SPEN: variants seen among roughly 807,000 people sequenced by gnomAD.
The protein encoded by SPEN is msx2-interacting protein.
A neutral mutation model predicts 269.9 loss-of-function variants in SPEN; 18 were observed. The ratio of observed to expected loss-of-function variants is 0.07; its 90% CI spans 0.05 to 0.10. The LOEUF (loss-of-function observed/expected upper bound fraction) is 0.10, where lower values mean the gene tolerates loss of function less well. Among genes scored for constraint, SPEN ranks in the 10% least tolerant of loss-of-function variants. The pLI is 1.00. For missense variants in SPEN, 3,822 were observed against 4,631.2 expected (o/e 0.83, Z 5.07); for synonymous variants, 1,726 against 1,765.7 (o/e 0.98, Z 0.56).
intron 1 of SPEN, among the ~76,000 whole-genome samples, chr1:15,862,078 T>C (rs1458046990): frequency 6.6e-6 from 1 of 151,916 alleles, no homozygotes; most frequent in Non-Finnish European, 1.5e-5. Flanking sequence ...ATTGCGGGAG[T>C]TAGCCACCAT....
Position 15,928,472 on chromosome 1 carries a change from A to G in SPEN, c.2232A>G (p.Ala744=), listed in dbSNP as rs2071189422. The change falls in exon 11 of 15, where the codon GCA becomes GCG. Residue 744 remains alanine, a synonymous_variant. Coordinates refer to ENST00000375759, the MANE Select transcript of SPEN (RefSeq NM_015001.3). This position sits in a 1 kb window ranked among gnomAD's most constrained non-coding sequence, Gnocchi z 5.7. Reference sequence around the variant, plus strand: ...GTCCTGGAGCGTCTCCCTCTCAGGCAGAGAGGTTGCCGAGTGATTCTGAGA... The same window carrying G: ...GTCCTGGAGCGTCTCCCTCTCAGGCGGAGAGGTTGCCGAGTGATTCTGAGA... ...PQSPGASPSQ[A]ERLPSDSERR... 6.2e-7 allele frequency: 1 copy of G among 1,614,100 alleles called. No individual in the cohort carries two copies. The highest frequency in any genetic ancestry group is 1.1e-5 in the South Asian group (1 of 91,064).
At chr1:15,869,600 T>TTATTTATG (rs1241811304) in intron 1 of SPEN, among the ~76,000 whole-genome samples, 1 of 151,302 alleles carries the variant, frequency 6.6e-6, no homozygotes, top group African/African-American at 2.4e-5. Context: ...ATTTATTTAT[T>TTATTTATG]TATTTATTTA....
rs752268000 is a variant in SPEN at position 15,934,989 on chromosome 1, C to G, written c.8749C>G (p.Leu2917Val). The change falls in exon 11 of 15, where the codon CTC becomes GTC. Residue 2917 changes from leucine (L) to valine (V), a missense_variant. This residue lies in a region of SPEN where 329 missense variants were observed against 431.2 expected (regional missense o/e 0.76). Transcript: ENST00000375759. The surrounding 1 kb of genome is among the most constrained non-coding windows in gnomAD (Gnocchi z 9.2). ...PSLEKPEPIH[L>V]SVSTPVTQGG... Reference sequence around the variant, plus strand: ...CTTGGAGAAGCCCGAGCCCATTCACCTCTCGGTGTCCACGCCTGTCACCCA... The same window carrying G: ...CTTGGAGAAGCCCGAGCCCATTCACGTCTCGGTGTCCACGCCTGTCACCCA... The G allele has an allele frequency of 6.2e-7, 1 of 1,614,060 alleles. No individual in the cohort carries two copies. Among genetic ancestry groups the G allele is most frequent in the Non-Finnish European group, 8.5e-7 (1 of 1,180,002 alleles).
At chr1:15,889,252 G>A (rs752726997) in intron 3 of SPEN, among the ~76,000 whole-genome samples, 3 of 142,316 alleles carry the variant, frequency 2.1e-5, no homozygotes, top group African/African-American at 2.7e-5. Flanking sequence ...TGCAACCTCC[G>A]CCTCCCAGGT....
intron 9 of SPEN, among the ~76,000 whole-genome samples, chr1:15,921,404 G>A (rs902727860): frequency 5.3e-5 from 8 of 152,192 alleles, no homozygotes; most frequent in African/African-American, 9.6e-5. Flanking sequence ...TACAAGACAC[G>A]TATGCTGTAT....
chr1:15,939,484 A>G lies in SPEN; in HGVS notation c.*57A>G. ...TCCCAGGGCTCTGCAGTAAAAACAA[A>G]GGACAACCCAGCCAAGCAGAGGAAG... On this transcript the variant is annotated 3_prime_UTR_variant, in exon 15 of 15. Coordinates refer to ENST00000375759, the MANE Select transcript of SPEN (RefSeq NM_015001.3). This position sits in a 1 kb window ranked among gnomAD's most constrained non-coding sequence, Gnocchi z 4.1. The G allele has an allele frequency of 1.4e-6, 2 of 1,474,736 alleles. No homozygotes were observed. The highest frequency in any genetic ancestry group is 1.8e-6 in the Non-Finnish European group (2 of 1,106,576). The allele number at this position is 1,474,736 out of a possible 1,614,324, so 91.4% of individuals were successfully genotyped here.
At chr1:15,896,500 C>A (rs2070843895) in intron 3 of SPEN, among the ~76,000 whole-genome samples, 1 of 152,046 alleles carries the variant, frequency 6.6e-6, no homozygotes, top group Non-Finnish European at 1.5e-5. Flanking sequence ...CCAGCCTTTA[C>A]CATCACTTTA....
chr1:15,877,889 C>T (rs1219349774), intron 3 of SPEN, among the ~76,000 whole-genome samples: 1 of 151,698 alleles, frequency 6.6e-6, no homozygotes, highest in African/African-American at 2.4e-5. Context: ...AGATTACAGG[C>T]ACCCATCACC....
chr1:15,939,746 T>C lies in SPEN; in HGVS notation c.*319T>C. On this transcript the variant is annotated 3_prime_UTR_variant, in exon 15 of 15. Coordinates refer to ENST00000375759, the MANE Select transcript of SPEN (RefSeq NM_015001.3). This position sits in a 1 kb window ranked among gnomAD's most constrained non-coding sequence, Gnocchi z 4.1. ...AGTGGAATGAAAATTTTTTGTTTGT[T>C]TGTTTTTAAGAAACAAGAAAACAGA... 1 of 269,284 alleles carries C rather than the reference T, an allele frequency of 3.7e-6. No individual in the cohort carries two copies. Among genetic ancestry groups the C allele is most frequent in the South Asian group, 1.6e-4 (1 of 6,228 alleles). 16.7% of individuals were successfully genotyped at this position (269,284 alleles called of 1,614,324 possible). A position where few individuals can be genotyped will look rare whatever the true frequency, so the allele number is the denominator to read the frequency against.
chr1:15,929,943 T>C lies in SPEN; in HGVS notation c.3703T>C (p.Phe1235Leu), dbSNP rs1486105843. 3 of 1,614,056 alleles carry C rather than the reference T, an allele frequency of 1.9e-6. No homozygotes were observed. Among genetic ancestry groups the C allele is most frequent in the Non-Finnish European group, 2.5e-6 (3 of 1,180,058 alleles). Residue 1235 changes from phenylalanine (F) to leucine (L), a missense_variant, in exon 11 of 15, where the codon TTT becomes CTT. This residue lies in a region of SPEN where 267 missense variants were observed against 315.5 expected (regional missense o/e 0.85). Coordinates refer to ENST00000375759, the MANE Select transcript of SPEN (RefSeq NM_015001.3). This position sits in a 1 kb window ranked among gnomAD's most constrained non-coding sequence, Gnocchi z 5.8. ...AAAGAAAAGGATGGATCATGTCGAT[T>C]TTGATATCTGCACCAAGCGAGAACG... is the stretch of plus-strand genomic sequence containing the variant. ...SKKKRMDHVD[F>L]DICTKRERNY...
rs756339649 is a variant in SPEN, at chr1:15,935,852, G to A, written c.9612G>A (p.Thr3204=). 14 of 1,613,598 alleles carry A rather than the reference G, an allele frequency of 8.7e-6. No homozygotes were observed. The highest frequency in any genetic ancestry group is 2.7e-5 in the African/African-American group (2 of 74,880). Residue 3204 remains threonine, a synonymous_variant, in exon 11 of 15, where the codon ACG becomes ACA. Coordinates refer to ENST00000375759, the MANE Select transcript of SPEN (RefSeq NM_015001.3). The surrounding 1 kb of genome is among the most constrained non-coding windows in gnomAD (Gnocchi z 7.7). ...GGATCATGGTGCATCCACATGTGACGGCAGTCAGCGAGCAGCCCAGGGCCG... is the reference window on the plus strand; with the variant it reads ...GGATCATGGTGCATCCACATGTGACAGCAGTCAGCGAGCAGCCCAGGGCCG... ...DVRIMVHPHV[T]AVSEQPRAAD...
rs755342722 is a variant in SPEN, at chr1:15,934,047, G to A, written c.7807G>A (p.Val2603Ile). The change falls in exon 11 of 15, where the codon GTA (valine) becomes ATA (isoleucine). Residue 2603 changes from valine to isoleucine, a missense_variant. By Grantham distance (29) the Val-to-Ile change is conservative. Coordinates refer to ENST00000375759, the MANE Select transcript of SPEN (RefSeq NM_015001.3). The surrounding 1 kb of genome is among the most constrained non-coding windows in gnomAD (Gnocchi z 9.2). The part of the protein sequence containing the change: ...NSEIQASEVL[V>I]AADKEKVAPV... Reference sequence around the variant, plus strand: ...TGAGATACAAGCCTCGGAGGTGCTGGTAGCTGCTGACAAGGAAAAGGTGGC... The same window carrying A: ...TGAGATACAAGCCTCGGAGGTGCTGATAGCTGCTGACAAGGAAAAGGTGGC... The A allele has an allele frequency of 3.7e-6, 6 of 1,611,522 alleles. No homozygotes were observed. In the South Asian group the frequency reaches 5.5e-5, roughly 15 times the overall value.
chr1:15,851,503 G>A (rs905691943), intron 1 of SPEN, among the ~76,000 whole-genome samples: 5 of 152,162 alleles, frequency 3.3e-5, no homozygotes, highest in Non-Finnish European at 7.3e-5. Flanking sequence ...GAGAGGGAGA[G>A]AGGTGTCTGC....
intron 3 of SPEN, among the ~76,000 whole-genome samples, chr1:15,907,179 G>T (rs962775179): frequency 2.0e-5 from 3 of 152,084 alleles, no homozygotes; most frequent in Non-Finnish European, 4.4e-5. Context: ...AACTTATTTA[G>T]TTTTAAAAAA....
At chr1:15,914,238 A>G (rs574077755) in intron 5 of SPEN, among the ~76,000 whole-genome samples, 1 of 152,182 alleles carries the variant, frequency 6.6e-6, no homozygotes, top group Non-Finnish European at 1.5e-5. Context: ...CAGAAGTGAG[A>G]TGTATTCTGA....
rs904388993 is a variant in SPEN at position 15,937,740 on chromosome 1, G to A, written c.10510-72G>A. On this transcript the variant is annotated intron_variant, in intron 12 of 14. Transcript: ENST00000375759. This position sits in a 1 kb window ranked among gnomAD's most constrained non-coding sequence, Gnocchi z 5.7. ...CTAGTTAACAGACCCACAAGCTACA[G>A]CCTCTGGCTGTGTCCAGCATGGCTC... 2 of 1,608,758 alleles carry A rather than the reference G, an allele frequency of 1.2e-6. No individual in the cohort carries two copies. The highest frequency in any genetic ancestry group is 1.7e-6 in the Non-Finnish European group (2 of 1,177,460).
chr1:15,925,594 A>ATT (rs369915074), intron 10 of SPEN, among the ~76,000 whole-genome samples: 10,225 of 143,784 alleles, frequency 0.071, 422 homozygotes, highest in Middle Eastern at 0.084. Flanking sequence ...TTTTTATTAA[A>ATT]TTTTTTTTTT....
In SPEN at chr1:15,929,547, T is replaced by G. The variant is rs907075014; in HGVS notation, c.3307T>G (p.Ser1103Ala). ...GESVENQEVQSKKPIPSKPQL... is the reference protein window; with the variant it reads ...GESVENQEVQAKKPIPSKPQL... ...ATCTGTGGAAAATCAAGAAGTCCAA[T>G]CAAAAAAGCCCATTCCCTCAAAACC... The change falls in exon 11 of 15, where the codon TCA (serine) becomes GCA (alanine). Residue 1103 changes from serine (S) to alanine (A), a missense_variant. Physicochemically the swap from Ser to Ala is moderately conservative, Grantham distance 99. Coordinates refer to ENST00000375759, the MANE Select transcript of SPEN (RefSeq NM_015001.3). This position sits in a 1 kb window ranked among gnomAD's most constrained non-coding sequence, Gnocchi z 5.8. The G allele has an allele frequency of 3.7e-6, 6 of 1,613,656 alleles. No individual in the cohort carries two copies. In the Admixed American group the frequency reaches 5.0e-5, roughly 13 times the overall value.
intron 1 of SPEN, among the ~76,000 whole-genome samples, chr1:15,870,475 A>G (rs1173845879): frequency 1.3e-5 from 2 of 152,122 alleles, no homozygotes; most frequent in Non-Finnish European, 2.9e-5. Flanking sequence ...TCATAAAACG[A>G]CTCAGATGTG....
Sources: allele counts gnomAD v4.1 joint callset (sites outside exome capture counted in the v4.1 genomes callset), GRCh38; gene constraint gnomAD v4.1.1; regional missense constraint gnomAD v4.1.1; non-coding constraint Gnocchi (gnomAD v3.1); transcripts MANE v1.5; gene names NCBI Gene and HGNC (gene_info 2026-07-23, HGNC 2026-07-21).